HS6ST3: variants seen among roughly 807,000 people sequenced by gnomAD.
HS6ST3 encodes the protein heparan sulfate 6-O-sulfotransferase 3.
HS6ST3 carries 12 observed loss-of-function variants against 36.7 expected under a neutral mutation model. The ratio of observed to expected loss-of-function variants is 0.33; its 90% CI spans 0.21 to 0.53. HS6ST3 has a LOEUF of 0.53. Ranked by LOEUF, HS6ST3 falls within the 20% of genes least tolerant of loss-of-function variation. The pLI, the probability that HS6ST3 is intolerant of heterozygous loss-of-function variation, is 0.95. For synonymous variants in HS6ST3, 240 were observed against 257.5 expected, an observed-to-expected ratio of 0.93 and a Z score of 0.65; for missense variants, 584 against 640.9, an observed-to-expected ratio of 0.91 and a Z score of 0.96.
intron 1 of HS6ST3, among the ~76,000 whole-genome samples, chr13:96,144,795 C>T (rs1209409194): frequency 9.7e-6 from 1 of 102,886 alleles, no homozygotes; most frequent in Non-Finnish European, 1.9e-5. Flanking sequence ...CCCCCCTCCC[C>T]CCTCCCCCCA....
chr13:96,095,157 A>G lies in HS6ST3; in HGVS notation c.707+3588A>G, dbSNP rs541229790. On this transcript the variant is annotated intron_variant, in intron 1 of 1. Transcript: ENST00000376705. Reference sequence around the variant, plus strand: ...TCTCCATTTTCATAATTTATATTCAATGTTTTGCTTACTATATATCTTGTG... The same window carrying G: ...TCTCCATTTTCATAATTTATATTCAGTGTTTTGCTTACTATATATCTTGTG... Among the ~76,000 whole-genome samples, 34 of 152,328 alleles carry G rather than the reference A, an allele frequency of 2.2e-4. No individual in the cohort carries two copies. In the South Asian group the frequency reaches 4.1e-3, roughly 19 times the overall value.
At chr13:96,184,221 A>AAAAGAGAGAGAGAG (rs1555389928) in intron 1 of HS6ST3, among the ~76,000 whole-genome samples, 1 of 61,004 alleles carries the variant, frequency 1.6e-5, no homozygotes, top group African/African-American at 7.4e-5. Context: ...AAAAAAAAAA[A>AAAAGAGAGAGAGAG]AGAGAGAGAG....
intron 1 of HS6ST3, among the ~76,000 whole-genome samples, chr13:96,441,790 A>T (rs2055672710): frequency 1.3e-5 from 2 of 152,192 alleles, no homozygotes; most frequent in African/African-American, 4.8e-5. Flanking sequence ...AATTTTTAAG[A>T]TAGCTGTGAG....
At chr13:96,335,794 C>A (rs924895470) in intron 1 of HS6ST3, among the ~76,000 whole-genome samples, 4 of 152,174 alleles carry the variant, frequency 2.6e-5, no homozygotes, top group African/African-American at 9.7e-5. Flanking sequence ...GCATATTTCA[C>A]TGTTTTGTTT....
chr13:96,814,483 G>A (rs1050958289), intron 1 of HS6ST3, among the ~76,000 whole-genome samples: 6 of 151,750 alleles, frequency 4.0e-5, no homozygotes, highest in African/African-American at 1.5e-4. Flanking sequence ...TTATCTTTGG[G>A]GTTTTAACAT....
intron 1 of HS6ST3, among the ~76,000 whole-genome samples, chr13:96,204,608 C>T (rs2054360294): frequency 1.3e-5 from 2 of 152,258 alleles, no homozygotes; most frequent in East Asian, 1.9e-4. Context: ...TAAAACACTC[C>T]TAAGCAAATG....
At chr13:96,691,770 A>G (rs1874967117) in intron 1 of HS6ST3, among the ~76,000 whole-genome samples, 1 of 152,072 alleles carries the variant, frequency 6.6e-6, no homozygotes, top group Admixed American at 6.6e-5. Flanking sequence ...AAAGAAATTA[A>G]CTCTTACATG....
intron 1 of HS6ST3, among the ~76,000 whole-genome samples, chr13:96,471,232 G>A (rs1330868955): frequency 6.6e-6 from 1 of 152,190 alleles, no homozygotes; most frequent in Non-Finnish European, 1.5e-5. Flanking sequence ...CATTTATCTT[G>A]GATGTCCTCT....
intron 1 of HS6ST3, among the ~76,000 whole-genome samples, chr13:96,469,445 G>A (rs1052095354): frequency 1.3e-5 from 2 of 151,976 alleles, no homozygotes; most frequent in African/African-American, 4.8e-5. Flanking sequence ...ACCGCTAGAT[G>A]GTATCCAGCT....
At chr13:96,492,570 C>T (rs1318939788) in intron 1 of HS6ST3, among the ~76,000 whole-genome samples, 1 of 152,210 alleles carries the variant, frequency 6.6e-6, no homozygotes, top group Non-Finnish European at 1.5e-5. Flanking sequence ...TGCGGATAGA[C>T]AATCAGTTCC....
chr13:96,274,851 A>T (rs2054740197), intron 1 of HS6ST3, among the ~76,000 whole-genome samples: 1 of 103,014 alleles, frequency 9.7e-6, no homozygotes, highest in Non-Finnish European at 2.3e-5. Flanking sequence ...ACACACACAC[A>T]CACACACACA....
At chr13:96,400,799 A>T (rs2055447205) in intron 1 of HS6ST3, among the ~76,000 whole-genome samples, 1 of 152,072 alleles carries the variant, frequency 6.6e-6, no homozygotes, top group African/African-American at 2.4e-5. Flanking sequence ...TTCTTTCCTC[A>T]CGTCTTAGTC....
chr13:96,181,503 G>A (rs1474231936), intron 1 of HS6ST3, among the ~76,000 whole-genome samples: 1 of 152,176 alleles, frequency 6.6e-6, no homozygotes, highest in African/African-American at 2.4e-5. Context: ...GAGCTCAGTG[G>A]CCAGCAGTTT....
At chr13:96,832,394 A>G (rs562299069) in intron 1 of HS6ST3, 96 bp from the exon 2 acceptor site, 9 of 838,020 alleles carry the variant, frequency 1.1e-5, no homozygotes, top group Middle Eastern at 3.5e-4. Context: ...TTTGGCAAAG[A>G]GTCCCTTGAC....
chr13:96,141,510 C>G (rs976968591), intron 1 of HS6ST3, among the ~76,000 whole-genome samples: 1 of 151,998 alleles, frequency 6.6e-6, no homozygotes, highest in East Asian at 1.9e-4. Context: ...GCCATCATGC[C>G]CAGCTAATTT....
At chr13:96,795,654 C>T (rs1412212231) in intron 1 of HS6ST3, among the ~76,000 whole-genome samples, 1 of 152,148 alleles carries the variant, frequency 6.6e-6, no homozygotes, top group African/African-American at 2.4e-5. Flanking sequence ...TGTTCTCTTA[C>T]TCATTCCAAT....
chr13:96,671,656 C>T (rs2056683120), intron 1 of HS6ST3, among the ~76,000 whole-genome samples: 1 of 152,010 alleles, frequency 6.6e-6, no homozygotes, highest in East Asian at 1.9e-4. Flanking sequence ...TTACAGATGG[C>T]CTTCATGTTC....
intron 1 of HS6ST3, among the ~76,000 whole-genome samples, chr13:96,712,772 C>T (rs193148772): frequency 1.4e-4 from 22 of 152,058 alleles, no homozygotes; most frequent in Non-Finnish European, 2.8e-4. Flanking sequence ...CTACGGCTCC[C>T]TCCCTACACA....
At chr13:96,779,185 G>A (rs1388710705) in intron 1 of HS6ST3, among the ~76,000 whole-genome samples, 3 of 152,068 alleles carry the variant, frequency 2.0e-5, no homozygotes, top group Non-Finnish European at 2.9e-5. Context: ...GGGGGGCTAG[G>A]GGAGGGATAG....
Sources: gnomAD v4.1 joint callset for allele counts (sites outside exome capture counted in the v4.1 genomes callset) on GRCh38, gnomAD v4.1.1 for gene constraint, MANE v1.5 for transcripts, NCBI Gene and HGNC (gene_info 2026-07-23, HGNC 2026-07-21) for gene names.